NALCN: variants seen among roughly 807,000 people sequenced by gnomAD.
The protein encoded by NALCN is sodium leak channel NALCN.
NALCN carries 111 observed loss-of-function variants against 225.3 expected under a neutral mutation model. The ratio of observed to expected loss-of-function variants is 0.49; its 90% CI spans 0.42 to 0.58. NALCN has a LOEUF of 0.58. NALCN is among the 20% of genes least tolerant of loss of function. The pLI is 0.00. For synonymous variants in NALCN, 764 were observed against 769.0 expected (o/e 0.99, Z 0.11); for missense variants, 1,378 against 2,202.4 (o/e 0.63, Z 7.49).
intron 17 of NALCN, among the ~76,000 whole-genome samples, chr13:101,130,710 T>A (rs766589923): frequency 2.0e-5 from 3 of 152,214 alleles, no homozygotes; most frequent in Admixed American, 6.5e-5. Context: ...CTGAAAAATC[T>A]CATGATAATC....
Position 101,258,428 on chromosome 13 carries a change from T to C in NALCN, c.1266+15A>G, listed in dbSNP as rs759704163. 1 of 1,614,000 alleles carries C rather than the reference T, an allele frequency of 6.2e-7. No individual in the cohort carries two copies. Among genetic ancestry groups the C allele is most frequent in the Non-Finnish European group, 8.5e-7 (1 of 1,179,972 alleles). On this transcript the variant is annotated intron_variant, in intron 11 of 43. Coordinates refer to ENST00000251127, the MANE Select transcript of NALCN (RefSeq NM_052867.4). ...GCTCCTTGCCCAGCGATCTGCACGGTGGAGAGCTGCTTACCTCCGCCAGGT... is the reference window on the plus strand; with the variant it reads ...GCTCCTTGCCCAGCGATCTGCACGGCGGAGAGCTGCTTACCTCCGCCAGGT...
At position 101,399,052 on chromosome 13, in the gene NALCN, C is replaced by G. The variant is rs374635988; in HGVS notation, c.75G>C (p.Ser25=). 1.2e-6 allele frequency: 2 copies of G among 1,610,846 alleles called. No homozygotes were observed. Among genetic ancestry groups the G allele is most frequent in the South Asian group, 1.1e-5 (1 of 91,018 alleles). ...VTDFGPDESL[S]DNADILWINK... The stretch of plus-strand genomic sequence containing the variant: ...TAATCCAGAGGATGTCAGCATTATC[C>G]GACAGAGACTCATCAGGACCAAAGT... The change falls in exon 2 of 44, where the codon TCG becomes TCC. Residue 25 remains serine (S), a synonymous_variant. Transcript: ENST00000251127.
chr13:101,334,682 C>T (rs2045319292), intron 7 of NALCN, among the ~76,000 whole-genome samples: 1 of 152,116 alleles, frequency 6.6e-6, no homozygotes, highest in South Asian at 2.1e-4. Flanking sequence ...ATGTGCATAT[C>T]ATTTCACCCA....
chr13:101,102,916 C>T (rs886468225), intron 26 of NALCN, among the ~76,000 whole-genome samples: 7 of 152,098 alleles, frequency 4.6e-5, no homozygotes, highest in African/African-American at 1.2e-4. Context: ...AGGTTAGTAC[C>T]GAAAGAGTCA....
chr13:101,403,057 T>C (rs527785915), intron 1 of NALCN, among the ~76,000 whole-genome samples: 1 of 151,372 alleles, frequency 6.6e-6, no homozygotes, highest in East Asian at 2.0e-4. Context: ...CCCTCTTTTA[T>C]ATAAAAAAAA....
At chr13:101,107,282 G>C (rs980433972) in intron 22 of NALCN, among the ~76,000 whole-genome samples, 3 of 152,206 alleles carry the variant, frequency 2.0e-5, no homozygotes, top group African/African-American at 7.2e-5. Context: ...TTTTATCAAT[G>C]CGAGTTTTCT....
At chr13:101,074,739 A>T in intron 35 of NALCN, 77 bp from the exon 36 acceptor site, 2 of 1,469,480 alleles carry the variant, frequency 1.4e-6, no homozygotes, top group Non-Finnish European at 1.8e-6. Flanking sequence ...AGAGAGAGAG[A>T]GAGAATATTC....
chr13:101,103,389 A>G (rs2034931539), intron 25 of NALCN, 50 bp from the exon 26 acceptor site: 1 of 1,549,646 alleles, frequency 6.5e-7, no homozygotes, highest in Admixed American at 2.1e-5. Flanking sequence ...ATCCCCTACT[A>G]TTTACATTTT....
At chr13:101,285,129 C>A (rs752533708) in intron 9 of NALCN, among the ~76,000 whole-genome samples, 2 of 152,026 alleles carry the variant, frequency 1.3e-5, no homozygotes, top group Admixed American at 6.6e-5. Flanking sequence ...GATGGAAATA[C>A]GAATGAGATG....
intron 13 of NALCN, among the ~76,000 whole-genome samples, chr13:101,195,672 C>T (rs1242811663): frequency 1.3e-5 from 2 of 152,184 alleles, no homozygotes; most frequent in African/African-American, 2.4e-5. Flanking sequence ...CCACTTTAGA[C>T]ATAGACTTCT....
intron 6 of NALCN, among the ~76,000 whole-genome samples, chr13:101,357,608 C>T (rs1304821578): frequency 6.6e-6 from 1 of 152,038 alleles, no homozygotes; most frequent in Admixed American, 6.6e-5. Context: ...GGCCATACTG[C>T]CCAAAATAAA....
chr13:101,278,135 A>C (rs142662876), intron 10 of NALCN, among the ~76,000 whole-genome samples: 2 of 152,240 alleles, frequency 1.3e-5, no homozygotes, highest in African/African-American at 4.8e-5. Flanking sequence ...TTGATACCTC[A>C]TTTTTTCTAA....
intron 10 of NALCN, among the ~76,000 whole-genome samples, chr13:101,276,636 T>A (rs181152359): frequency 1.6e-4 from 25 of 152,310 alleles, no homozygotes; most frequent in Non-Finnish European, 7.3e-5. Flanking sequence ...AATTTGTGTT[T>A]CAGAACACAA....
At chr13:101,360,166 CTT>C (rs1378884433) in intron 6 of NALCN, among the ~76,000 whole-genome samples, 11 of 134,314 alleles carry the variant, frequency 8.2e-5, no homozygotes, top group African/African-American at 3.0e-4. Flanking sequence ...CTTTCTTTCT[CTT>C]TCTTCCTCTC....
At chr13:101,189,943 G>A (rs2039615215) in intron 14 of NALCN, among the ~76,000 whole-genome samples, 1 of 152,116 alleles carries the variant, frequency 6.6e-6, no homozygotes, top group Non-Finnish European at 1.5e-5. Flanking sequence ...AACTTTAAGT[G>A]ATCTATAACC....
chr13:101,063,592 T>C (rs2032133564), intron 40 of NALCN, among the ~76,000 whole-genome samples: 1 of 152,272 alleles, frequency 6.6e-6, no homozygotes, highest in Non-Finnish European at 1.5e-5. Flanking sequence ...GATGACCTCC[T>C]TTGTGATTCA....
At chr13:101,215,166 T>C (rs926728230) in intron 13 of NALCN, among the ~76,000 whole-genome samples, 4 of 152,116 alleles carry the variant, frequency 2.6e-5, no homozygotes, top group South Asian at 4.1e-4. Context: ...TTAGGATAAA[T>C]TGGTAAAACT....
At chr13:101,376,023 T>C in intron 6 of NALCN, among the ~76,000 whole-genome samples, 1 of 152,132 alleles carries the variant, frequency 6.6e-6, no homozygotes, top group East Asian at 1.9e-4. Context: ...GTACATACAT[T>C]CTATCTTACC....
At chr13:101,303,347 T>G (rs1380099099) in intron 7 of NALCN, among the ~76,000 whole-genome samples, 2 of 152,168 alleles carry the variant, frequency 1.3e-5, no homozygotes, top group African/African-American at 4.8e-5. Flanking sequence ...ACAATTTGGC[T>G]TATGCATCAC....
Sources: allele counts gnomAD v4.1 joint callset (sites outside exome capture counted in the v4.1 genomes callset), GRCh38; gene constraint gnomAD v4.1.1; transcripts MANE v1.5; gene names NCBI Gene and HGNC (gene_info 2026-07-23, HGNC 2026-07-21).